QSOX1: variants seen among roughly 807,000 people sequenced by gnomAD.
QSOX1 encodes the protein sulfhydryl oxidase 1.
A neutral mutation model predicts 76.1 loss-of-function variants in QSOX1; 40 were observed. The observed-to-expected ratio is 0.53, with a 90% CI of 0.41 to 0.68. The LOEUF is 0.68. Among genes scored for constraint, QSOX1 ranks in the 30% least tolerant of loss-of-function variants. The pLI, the probability that QSOX1 is intolerant of heterozygous loss-of-function variation, is 0.00. For missense variants in QSOX1, 931 were observed against 974.3 expected, an observed-to-expected ratio of 0.96 and a Z score of 0.59; for synonymous variants, 392 against 413.1, an observed-to-expected ratio of 0.95 and a Z score of 0.62.
intron 7 of QSOX1, 126 bp downstream of exon 7, chr1:180,184,176 C>T: frequency 1.6e-6 from 2 of 1,269,290 alleles, no homozygotes; most frequent in Non-Finnish European, 2.2e-6. Context: ...ACATTCTGAG[C>T]CAGGCTGTCC....
rs1233726510 is a variant in QSOX1, at chr1:180,155,181, C to T, written c.265+9C>T. On this transcript the variant is annotated intron_variant, in intron 1 of 11. Coordinates refer to ENST00000367602, the MANE Select transcript of QSOX1 (RefSeq NM_002826.5). ...GGCCGAAGACGTCAAAGGTGAGAAG[C>T]GGGGGCGGCCCGCTCCCCCGTGCCC... 1.2e-5 allele frequency: 18 copies of T among 1,484,162 alleles called. No homozygotes were observed. The highest frequency in any genetic ancestry group is 1.6e-5 in the Non-Finnish European group (18 of 1,120,202). 91.9% of individuals were successfully genotyped at this position (1,484,162 alleles called of 1,614,324 possible). A position where few individuals can be genotyped will look rare whatever the true frequency, so the allele number is the denominator to read the frequency against.
chr1:180,160,709 G>A (rs1396989320), intron 1 of QSOX1, among the ~76,000 whole-genome samples: 1 of 152,220 alleles, frequency 6.6e-6, no homozygotes, highest in Non-Finnish European at 1.5e-5. Flanking sequence ...GGGAAAGCAT[G>A]AAGTTGTCAA....
At chr1:180,168,643 C>T (rs958465671) in intron 2 of QSOX1, among the ~76,000 whole-genome samples, 1 of 152,120 alleles carries the variant, frequency 6.6e-6, no homozygotes, top group East Asian at 1.9e-4. Context: ...TTACTAAGTG[C>T]AGTTAAACTG....
chr1:180,197,145 TGTG>T lies in QSOX1; in HGVS notation c.*110_*112del. Reference sequence around the variant, plus strand: ...CCTTGCTCCTTGTCTGGCCTAGAAGTGTGGGAAATTCAGGAAAACGAGTTGCTC... The same window carrying T: ...CCTTGCTCCTTGTCTGGCCTAGAAGTGGAAATTCAGGAAAACGAGTTGCTC... On this transcript the variant is annotated 3_prime_UTR_variant, in exon 12 of 12. Coordinates refer to ENST00000367602, the MANE Select transcript of QSOX1 (RefSeq NM_002826.5). 1 of 1,452,518 alleles carries T rather than the reference TGTG, an allele frequency of 6.9e-7. No individual in the cohort carries two copies. The highest frequency in any genetic ancestry group is 2.5e-5 in the East Asian group (1 of 40,344). 90.0% of individuals were successfully genotyped at this position (1,452,518 alleles called of 1,614,324 possible).
intron 2 of QSOX1, among the ~76,000 whole-genome samples, chr1:180,170,355 G>T (rs556283027): frequency 6.6e-6 from 1 of 152,348 alleles, no homozygotes; most frequent in African/African-American, 2.4e-5. Flanking sequence ...AGTGGTTAAG[G>T]TAATGGATCC....
chr1:180,194,522 A>T, intron 11 of QSOX1, 130 bp downstream of exon 11: 1 of 840,574 alleles, frequency 1.2e-6, no homozygotes, highest in East Asian at 3.0e-5. Flanking sequence ...CAGGCCTGTT[A>T]ACCAATGCCA....
chr1:180,165,644 C>A (rs1662598816), intron 1 of QSOX1, among the ~76,000 whole-genome samples: 1 of 152,268 alleles, frequency 6.6e-6, no homozygotes, highest in African/African-American at 2.4e-5. Flanking sequence ...TGCCACTGCC[C>A]TCTCACGGCT....
At chr1:180,163,772 A>G (rs1343485141) in intron 1 of QSOX1, among the ~76,000 whole-genome samples, 1 of 152,234 alleles carries the variant, frequency 6.6e-6, no homozygotes, top group African/African-American at 2.4e-5. Context: ...AAAGTCAGTT[A>G]GAGCCCCCAG....
At chr1:180,180,888 T>C (rs1233796818) in intron 5 of QSOX1, among the ~76,000 whole-genome samples, 1 of 152,220 alleles carries the variant, frequency 6.6e-6, no homozygotes, top group Non-Finnish European at 1.5e-5. Context: ...TTTAATAACA[T>C]TAACCCCTTC....
intron 5 of QSOX1, among the ~76,000 whole-genome samples, chr1:180,179,350 G>A (rs1558188658): frequency 6.6e-6 from 1 of 152,188 alleles, no homozygotes; most frequent in South Asian, 2.1e-4. Context: ...TAGCCCCACC[G>A]GAGGAAATGG....
At chr1:180,162,503 A>G (rs895616773) in intron 1 of QSOX1, among the ~76,000 whole-genome samples, 6 of 152,182 alleles carry the variant, frequency 3.9e-5, no homozygotes, top group African/African-American at 1.4e-4. Flanking sequence ...TGGGAGGCCG[A>G]GGCAGGAGGA....
chr1:180,172,737 T>C (rs1176310424), intron 2 of QSOX1, among the ~76,000 whole-genome samples: 5 of 152,210 alleles, frequency 3.3e-5, no homozygotes, highest in Non-Finnish European at 7.3e-5. Flanking sequence ...CAGGCTGGTC[T>C]CAAACTCCTG....
In QSOX1 at chr1:180,155,139, C is replaced by G. The variant is rs1395097604; in HGVS notation, c.232C>G (p.Pro78Ala). 1 of 1,521,508 alleles carries G rather than the reference C, an allele frequency of 6.6e-7. No homozygotes were observed. The highest frequency in any genetic ancestry group is 2.0e-5 in the Admixed American group (1 of 49,626). 94.3% of individuals were successfully genotyped at this position (1,521,508 alleles called of 1,614,324 possible). Reference protein sequence around the residue: ...SWCGHCIAFAPTWKALAEDVK... With the variant: ...SWCGHCIAFAATWKALAEDVK... ...GTGCGGCCACTGCATCGCCTTCGCC[C>G]CGACGTGGAAGGCGCTGGCCGAAGA... The change falls in exon 1 of 12, where the codon CCG (proline) becomes GCG (alanine). Residue 78 changes from proline (P) to alanine (A), a missense_variant. Physicochemically the swap from Pro to Ala is conservative, Grantham distance 27 (BLOSUM62 -1). Transcript: ENST00000367602.
At chr1:180,185,382 C>A (rs1427637715) in intron 7 of QSOX1, among the ~76,000 whole-genome samples, 2 of 152,206 alleles carry the variant, frequency 1.3e-5, no homozygotes, top group Admixed American at 6.5e-5. Context: ...TTCCTGGCCC[C>A]TGCCATCAGA....
rs1389598074 is a variant in QSOX1, at chr1:180,196,918, G to A, written c.2125G>A (p.Asp709Asn). ...GCTGGGAGGGGGCTTCTCTTACCTG[G>A]ACATCAGCCTCTGTGTGGGGCTCTA... ...QVLGGGFSYL[D>N]ISLCVGLYSL... is the part of the protein sequence containing the mutation. Residue 709 changes from aspartate (D) to asparagine (N), a missense_variant, in exon 12 of 12, where the codon GAC becomes AAC. Asp to Asn is a conservative substitution (Grantham distance 23). Coordinates refer to ENST00000367602, the MANE Select transcript of QSOX1 (RefSeq NM_002826.5). The surrounding 1 kb of genome is among the most constrained non-coding windows in gnomAD (Gnocchi z 4.1). 6.3e-7 allele frequency: 1 copy of A among 1,596,658 alleles called. No individual in the cohort carries two copies. Among genetic ancestry groups the A allele is most frequent in the Non-Finnish European group, 8.5e-7 (1 of 1,169,642 alleles).
chr1:180,189,198 C>A (rs1288532307), intron 8 of QSOX1, among the ~76,000 whole-genome samples: 1 of 152,150 alleles, frequency 6.6e-6, no homozygotes, highest in Admixed American at 6.5e-5. Context: ...TGGCAAGGGG[C>A]ACAAGTGCTC....
intron 1 of QSOX1, among the ~76,000 whole-genome samples, chr1:180,163,134 A>C (rs796961893): frequency 1.6e-4 from 16 of 102,550 alleles, no homozygotes; most frequent in African/African-American, 5.0e-4. Flanking sequence ...AAGGCTCATC[A>C]AAAAAAAAAA....
At position 180,166,520 on chromosome 1, in the gene QSOX1, C is replaced by G; in HGVS notation, c.295C>G (p.Leu99Val). ...AWRPALYLAALDCAEETNSAV... is the reference protein window; with the variant it reads ...AWRPALYLAAVDCAEETNSAV... Reference sequence around the variant, plus strand: ...GAGGCCGGCCCTGTATCTCGCCGCCCTGGACTGTGCTGAGGAGACCAACAG... The same window carrying G: ...GAGGCCGGCCCTGTATCTCGCCGCCGTGGACTGTGCTGAGGAGACCAACAG... Residue 99 changes from leucine to valine, a missense_variant, in exon 2 of 12, where the codon CTG (leucine) becomes GTG (valine). Physicochemically the swap from Leu to Val is conservative, Grantham distance 32. Coordinates refer to ENST00000367602, the MANE Select transcript of QSOX1 (RefSeq NM_002826.5). 2.5e-6 allele frequency: 4 copies of G among 1,614,108 alleles called. No individual in the cohort carries two copies. Among genetic ancestry groups the G allele is most frequent in the Middle Eastern group, 3.3e-4 (2 of 6,054 alleles).
At chr1:180,155,871 G>T (rs1211052249) in intron 1 of QSOX1, among the ~76,000 whole-genome samples, 1 of 152,152 alleles carries the variant, frequency 6.6e-6, no homozygotes, top group African/African-American at 2.4e-5. Context: ...GCACCCAGAG[G>T]CCTTTGGTGC....
Sources: gnomAD v4.1 joint callset for allele counts (sites outside exome capture counted in the v4.1 genomes callset) on GRCh38, gnomAD v4.1.1 for gene constraint, Gnocchi (gnomAD v3.1) non-coding constraint, MANE v1.5 for transcripts, NCBI Gene and HGNC (gene_info 2026-07-23, HGNC 2026-07-21) for gene names.